The following BHMT variants were observed in gnomAD, a reference collection of about 807,000 sequenced individuals.
BHMT encodes the protein betaine--homocysteine S-methyltransferase 1.
Under a neutral mutation model 49.5 loss-of-function variants are expected in BHMT, and 38 were observed. That is an observed-to-expected ratio of 0.77 (90% CI 0.59 to 1.01). BHMT has a LOEUF of 1.01. Among genes scored for constraint, BHMT ranks in the 50% least tolerant of loss-of-function variants. The pLI, the probability that BHMT is intolerant of heterozygous loss-of-function variation, is 0.00. For synonymous variants in BHMT, 166 were observed against 176.3 expected, an observed-to-expected ratio of 0.94 and a Z score of 0.46; for missense variants, 426 against 495.7, an observed-to-expected ratio of 0.86 and a Z score of 1.34.
intron 1 of BHMT, among the ~76,000 whole-genome samples, chr5:79,112,878 A>G (rs1042851348): frequency 6.6e-6 from 1 of 152,094 alleles, no homozygotes; most frequent in African/African-American, 2.4e-5. Context: ...GGATGGAGGG[A>G]GGAGAGAATA....
chr5:79,112,201 G>C (rs1005092462), intron 1 of BHMT, among the ~76,000 whole-genome samples: 9 of 152,186 alleles, frequency 5.9e-5, no homozygotes, highest in African/African-American at 2.2e-4. Flanking sequence ...GTGCGCCCCA[G>C]ATCTATGTGA....
intron 1 of BHMT, among the ~76,000 whole-genome samples, chr5:79,113,761 T>A (rs1216530023): frequency 6.6e-6 from 1 of 152,156 alleles, no homozygotes; most frequent in African/African-American, 2.4e-5. Context: ...CTGTTTAGCT[T>A]GGGAACAGAA....
intron 1 of BHMT, among the ~76,000 whole-genome samples, chr5:79,114,127 AT>A (rs1347845530): frequency 6.7e-6 from 1 of 148,554 alleles, no homozygotes; most frequent in Non-Finnish European, 1.5e-5. Flanking sequence ...ACATATATAT[AT>A]TATTGTTGTT....
chr5:79,114,164 C>T (rs492842), intron 1 of BHMT, among the ~76,000 whole-genome samples: 88,220 of 149,932 alleles, frequency 0.59, 26,373 homozygotes, highest in East Asian at 0.69. Flanking sequence ...ATCAAAGTTG[C>T]AGTTTTCAGA....
intron 5 of BHMT, 88 bp downstream of exon 5, chr5:79,121,453 T>A: frequency 6.9e-7 from 1 of 1,448,436 alleles, no homozygotes; most frequent in Non-Finnish European, 9.3e-7. Flanking sequence ...TGTATACTAC[T>A]TTCGTTAACA....
At chr5:79,123,543 GGTTC>G (rs1328340160) in intron 5 of BHMT, among the ~76,000 whole-genome samples, 696 of 19,792 alleles carry the variant, frequency 0.035, 7 homozygotes, top group African/African-American at 0.068. Context: ...TTGGTTGGTT[GGTTC>G]GTTGGTTGGT....
rs1021301003 is a variant in BHMT at position 79,111,811 on chromosome 5, C to T, written c.-75C>T. On this transcript the variant is annotated 5_prime_UTR_variant, in exon 1 of 8. Transcript: ENST00000274353. ...GAGGCAGGCTGCGGACTCGGAGCAG[C>T]TCGGGGCTGCGCAGCGGGAAGGCTC... 18 of 1,591,700 alleles carry T rather than the reference C, an allele frequency of 1.1e-5. No individual in the cohort carries two copies. In the African/African-American group the frequency reaches 2.0e-4, roughly 18 times the overall value.
chr5:79,119,418 C>A, intron 3 of BHMT, 41 bp downstream of exon 3: 1 of 1,488,266 alleles, frequency 6.7e-7, no homozygotes, highest in South Asian at 1.2e-5. Context: ...AGGATATTGT[C>A]GACCTATTGC....
intron 4 of BHMT, 135 bp from the exon 5 acceptor site, chr5:79,121,083 A>G: frequency 9.3e-7 from 1 of 1,073,342 alleles, no homozygotes; most frequent in Admixed American, 2.5e-5. Flanking sequence ...ACTGGGAGGC[A>G]AATGTTGCAG....
chr5:79,121,421 T>C, intron 5 of BHMT, 56 bp downstream of exon 5: 1 of 1,597,866 alleles, frequency 6.3e-7, no homozygotes, highest in Non-Finnish European at 8.6e-7. Context: ...AACACACTAG[T>C]GCACATCTGT....
chr5:79,128,249 G>A (rs969757570), intron 7 of BHMT: 18 of 386,726 alleles, frequency 4.7e-5, no homozygotes, highest in African/African-American at 1.9e-4. Flanking sequence ...GGCTGGGTGC[G>A]GTGGCTCGCG....
intron 3 of BHMT, 116 bp downstream of exon 3, chr5:79,119,493 T>A: frequency 9.2e-6 from 7 of 757,736 alleles, no homozygotes; most frequent in Non-Finnish European, 1.4e-5. Flanking sequence ...TTTCTAATAA[T>A]ACAAAAATGA....
intron 7 of BHMT, 146 bp downstream of exon 7, chr5:79,128,129 CT>C (rs1344806707): frequency 3.1e-6 from 3 of 962,918 alleles, no homozygotes; most frequent in Non-Finnish European, 4.6e-6. Context: ...ACAAAGCATC[CT>C]TATTAGGTGA....
At chr5:79,129,095 A>G (rs1418797754) in intron 7 of BHMT, among the ~76,000 whole-genome samples, 1 of 152,192 alleles carries the variant, frequency 6.6e-6, no homozygotes, top group East Asian at 1.9e-4. Flanking sequence ...TGCTCCAAGG[A>G]GAGGTAGCAG....
intron 7 of BHMT, 119 bp downstream of exon 7, chr5:79,128,102 C>A: frequency 8.1e-7 from 1 of 1,236,522 alleles, no homozygotes; most frequent in African/African-American, 1.5e-5. Flanking sequence ...TCCCCAAATT[C>A]TCTCCCAGAG....
chr5:79,127,641 A>T, intron 6 of BHMT, 114 bp from the exon 7 acceptor site: 1 of 1,365,264 alleles, frequency 7.3e-7, no homozygotes, highest in Non-Finnish European at 9.8e-7. Context: ...TAAATGTAAA[A>T]ATTGAATATT....
At chr5:79,119,403 T>G (rs577010343) in intron 3 of BHMT, 26 bp downstream of exon 3, 1 of 1,562,788 alleles carries the variant, frequency 6.4e-7, no homozygotes, top group African/African-American at 1.4e-5. Context: ...CGTGGGACTT[T>G]TAGAAGGATA....
Position 79,131,415 on chromosome 5 carries a change from C to A in BHMT, c.*299C>A. 4.2e-6 allele frequency: 1 copy of A among 235,590 alleles called. No homozygotes were observed. Among genetic ancestry groups the A allele is most frequent in the Non-Finnish European group, 8.2e-6 (1 of 122,022 alleles). 14.6% of individuals were successfully genotyped at this position (235,590 alleles called of 1,614,324 possible). A position where few individuals can be genotyped will look rare whatever the true frequency, so the allele number is the denominator to read the frequency against. ...AGGAAAAGTAATTCAGATGTTAATGCCACTTGAAGAAGTTGGTAGGCTAGC... is the reference window on the plus strand; with the variant it reads ...AGGAAAAGTAATTCAGATGTTAATGACACTTGAAGAAGTTGGTAGGCTAGC... On this transcript the variant is annotated 3_prime_UTR_variant, in exon 8 of 8. Coordinates refer to ENST00000274353, the MANE Select transcript of BHMT (RefSeq NM_001713.3).
chr5:79,128,976 T>TC (rs1756596112), intron 7 of BHMT, among the ~76,000 whole-genome samples: 1 of 152,216 alleles, frequency 6.6e-6, no homozygotes, highest in Non-Finnish European at 1.5e-5. Flanking sequence ...AGAGAATGAC[T>TC]ATCTCTGCCT....
Sources: gnomAD v4.1 joint callset for allele counts (sites outside exome capture counted in the v4.1 genomes callset) on GRCh38, gnomAD v4.1.1 for gene constraint, MANE v1.5 for transcripts, NCBI Gene and HGNC (gene_info 2026-07-23, HGNC 2026-07-21) for gene names.